The following SHC2 variants were observed in gnomAD, a reference collection of about 807,000 sequenced individuals.
SHC2 encodes the protein SHC-transforming protein 2.
In SHC2, 62 loss-of-function variants were observed where a neutral mutation model predicts 60.6. The ratio of observed to expected loss-of-function variants is 1.02; its 90% CI spans 0.83 to 1.26. SHC2 has a LOEUF of 1.26. SHC2 is among the 50% of genes most tolerant of loss of function. The pLI is 0.00. For synonymous variants in SHC2, 375 were observed against 372.4 expected, an observed-to-expected ratio of 1.01 and a Z score of -0.08; for missense variants, 873 against 822.2, an observed-to-expected ratio of 1.06 and a Z score of -0.76.
At chr19:458,809 G>A (rs1365857633) in intron 1 of SHC2, among the ~76,000 whole-genome samples, 1 of 150,090 alleles carries the variant, frequency 6.7e-6, no homozygotes. Context: ...TGGGGAGGCG[G>A]AAGCGGGTCT....
Position 460,801 on chromosome 19 carries a change from G to A in SHC2, c.196C>T (p.Pro66Ser). The A allele has an allele frequency of 1.0e-6, 1 of 978,946 alleles. No homozygotes were observed. Among genetic ancestry groups the A allele is most frequent in the Non-Finnish European group, 1.2e-6 (1 of 827,320 alleles). 60.6% of individuals were successfully genotyped at this position (978,946 alleles called of 1,614,324 possible). Residue 66 changes from proline to serine, a missense_variant, in exon 1 of 13, where the codon CCG (proline) becomes TCG (serine). Physicochemically the swap from Pro to Ser is moderately conservative, Grantham distance 74 (BLOSUM62 -1). Coordinates refer to ENST00000264554, the MANE Select transcript of SHC2 (RefSeq NM_012435.3). ...ASGGADPQPE[P>S]AGPGGVPALA... Reference sequence around the variant, plus strand: ...GCCGGGACGCCCCCCGGGCCCGCCGGCTCGGGTTGGGGGTCCGCGCCCCCC... The same window carrying A: ...GCCGGGACGCCCCCCGGGCCCGCCGACTCGGGTTGGGGGTCCGCGCCCCCC...
Position 441,114 on chromosome 19 carries a change from G to A in SHC2, c.469-182C>T, listed in dbSNP as rs12980003. 155,155 of 984,140 alleles carry A rather than the reference G, an allele frequency of 0.16. 13,455 individuals carry two copies. The highest frequency in any genetic ancestry group is 0.17 in the Non-Finnish European group (142,255 of 829,066). 61.0% of individuals were successfully genotyped at this position (984,140 alleles called of 1,614,324 possible). A position where few individuals can be genotyped will look rare whatever the true frequency, so the allele number is the denominator to read the frequency against. ...AGGCCCAGCCTTGACACTGTCCTGCGAGCCGCCCCCTCTGACTCCAGGCAT... is the reference window on the plus strand; with the variant it reads ...AGGCCCAGCCTTGACACTGTCCTGCAAGCCGCCCCCTCTGACTCCAGGCAT... On this transcript the variant is annotated intron_variant, in intron 1 of 12. Coordinates refer to ENST00000264554, the MANE Select transcript of SHC2 (RefSeq NM_012435.3). The surrounding 1 kb of genome is among the most constrained non-coding windows in gnomAD (Gnocchi z 4.9).
intron 11 of SHC2, among the ~76,000 whole-genome samples, chr19:421,467 G>GA (rs1974272095): frequency 6.7e-6 from 1 of 150,134 alleles, no homozygotes. Flanking sequence ...GGGAGAGAGG[G>GA]AGGAAGAAGG....
At chr19:428,189 C>T (rs1974469147) in intron 9 of SHC2, among the ~76,000 whole-genome samples, 1 of 152,200 alleles carries the variant, frequency 6.6e-6, no homozygotes, top group Non-Finnish European at 1.5e-5. Context: ...CACACCACTG[C>T]CCTCCAACCT....
chr19:443,140 G>T (rs1236342861), intron 1 of SHC2, among the ~76,000 whole-genome samples: 4 of 149,988 alleles, frequency 2.7e-5, no homozygotes, highest in African/African-American at 9.8e-5. Context: ...ATGGGTAGAT[G>T]GGTGGGTGGA....
chr19:447,836 C>G (rs1600315225), intron 1 of SHC2, among the ~76,000 whole-genome samples: 1 of 152,314 alleles, frequency 6.6e-6, no homozygotes, highest in East Asian at 1.9e-4. Flanking sequence ...GCAACCATAA[C>G]TCCCTGGTTT....
intron 9 of SHC2, among the ~76,000 whole-genome samples, chr19:430,341 T>G (rs1367432770): frequency 6.6e-6 from 1 of 151,294 alleles, no homozygotes; most frequent in African/African-American, 2.4e-5. Context: ...TATCTCAACA[T>G]GCACAGAGAC....
intron 9 of SHC2, among the ~76,000 whole-genome samples, chr19:430,288 A>C (rs1009747688): frequency 1.3e-5 from 2 of 151,562 alleles, no homozygotes; most frequent in African/African-American, 4.9e-5. Flanking sequence ...CTATACCCCA[A>C]CGTGCACAGA....
Position 446,517 on chromosome 19 carries a change from G to C in SHC2, c.469-5585C>G, listed in dbSNP as rs1456172022. On this transcript the variant is annotated intron_variant, in intron 1 of 12. Coordinates refer to ENST00000264554, the MANE Select transcript of SHC2 (RefSeq NM_012435.3). This position sits in a 1 kb window ranked among gnomAD's most constrained non-coding sequence, Gnocchi z 5.4. ...GTAGAGACGGGGTTTCATCATATTG[G>C]CCTCGCTGGTCTCGATCTCTTGACC... Among the ~76,000 whole-genome samples the C allele has an allele frequency of 6.6e-6, 1 of 152,032 alleles. No individual in the cohort carries two copies. Among genetic ancestry groups the C allele is most frequent in the Non-Finnish European group, 1.5e-5 (1 of 68,008 alleles).
intron 1 of SHC2, among the ~76,000 whole-genome samples, chr19:450,088 G>T (rs1010148669): frequency 6.6e-6 from 1 of 152,200 alleles, no homozygotes; most frequent in South Asian, 2.1e-4. Flanking sequence ...TTCCACAGGG[G>T]CGAGGGGTGT....
intron 1 of SHC2, among the ~76,000 whole-genome samples, chr19:449,917 G>A (rs554109449): frequency 2.0e-5 from 3 of 152,260 alleles, no homozygotes; most frequent in Admixed American, 6.5e-5. Flanking sequence ...AAAGCTCTAC[G>A]TAGTCTACTG....
intron 11 of SHC2, 59 bp from the exon 12 acceptor site, chr19:419,115 G>A (rs1974215172): frequency 1.3e-6 from 2 of 1,506,606 alleles, no homozygotes; most frequent in Non-Finnish European, 9.0e-7. Flanking sequence ...CGTGGAGTAG[G>A]ATATTGGCGT....
chr19:436,607 T>C (rs1974728474), intron 5 of SHC2, 23 bp downstream of exon 5: 2 of 1,599,646 alleles, frequency 1.3e-6, no homozygotes, highest in Non-Finnish European at 1.7e-6. Flanking sequence ...GGGCTGCAGG[T>C]CCACCCCCAT....
chr19:423,023 A>G (rs894423199), intron 10 of SHC2, among the ~76,000 whole-genome samples: 1 of 152,182 alleles, frequency 6.6e-6, no homozygotes, highest in Non-Finnish European at 1.5e-5. Context: ...AGAAAGCAGC[A>G]TGGTTCAGAC....
At chr19:439,318 C>G in intron 2 of SHC2, 2 of 516,594 alleles carry the variant, frequency 3.9e-6, no homozygotes, top group South Asian at 2.4e-5. Flanking sequence ...GAGGCCCGGC[C>G]CCCAGCTCTG....
At position 441,306 on chromosome 19, in the gene SHC2, C is replaced by T. The variant is rs1192146246; in HGVS notation, c.469-374G>A. ...CCTGAGCACTTCCCTATCTCCAGCG[C>T]CCAGTTCAGGGTCTGGCAAACAGTG... On this transcript the variant is annotated intron_variant, in intron 1 of 12. Transcript: ENST00000264554. The surrounding 1 kb of genome is among the most constrained non-coding windows in gnomAD (Gnocchi z 4.9). 1 of 299,168 alleles carries T rather than the reference C, an allele frequency of 3.3e-6. No homozygotes were observed. The highest frequency in any genetic ancestry group is 1.8e-4 in the East Asian group (1 of 5,682). The allele number at this position is 299,168 out of a possible 1,614,324, so 18.5% of individuals were successfully genotyped here.
At chr19:450,238 T>G (rs76490838) in intron 1 of SHC2, among the ~76,000 whole-genome samples, 5,068 of 152,338 alleles carry the variant, frequency 0.033, 283 homozygotes, top group African/African-American at 0.11. Context: ...TCCAGGCATC[T>G]TGTGGGGAAA....
chr19:433,679 G>A (rs1283940408), intron 8 of SHC2, among the ~76,000 whole-genome samples: 2 of 20,692 alleles, frequency 9.7e-5, no homozygotes, highest in African/African-American at 1.0e-3. Context: ...GCAGATAGAT[G>A]GCGCTTCATC....
Position 445,671 on chromosome 19 carries a change from G to A in SHC2, c.469-4739C>T, listed in dbSNP as rs554097303. On this transcript the variant is annotated intron_variant, in intron 1 of 12. Transcript: ENST00000264554. This position sits in a 1 kb window ranked among gnomAD's most constrained non-coding sequence, Gnocchi z 4.4. Reference sequence around the variant, plus strand: ...GAGGATGGCTTGAGCCCAGGAGGTTGAGGCTGCAGTGATCTGTGATGGCAC... The same window carrying A: ...GAGGATGGCTTGAGCCCAGGAGGTTAAGGCTGCAGTGATCTGTGATGGCAC... Among the ~76,000 whole-genome samples the A allele has an allele frequency of 3.3e-5, 5 of 152,260 alleles. No homozygotes were observed. Among genetic ancestry groups the A allele is most frequent in the African/African-American group, 9.6e-5 (4 of 41,566 alleles).
Sources: allele counts gnomAD v4.1 joint callset (sites outside exome capture counted in the v4.1 genomes callset), GRCh38; gene constraint gnomAD v4.1.1; non-coding constraint Gnocchi (gnomAD v3.1); transcripts MANE v1.5; gene names NCBI Gene and HGNC (gene_info 2026-07-23, HGNC 2026-07-21).